SDHAF3: variants seen among roughly 807,000 people sequenced by gnomAD.
The protein encoded by SDHAF3 is succinate dehydrogenase complex assembly factor 3, also known as succinate dehydrogenase assembly factor 3, mitochondrial.
A neutral mutation model predicts 11.5 loss-of-function variants in SDHAF3; 18 were observed. The ratio of observed to expected loss-of-function variants is 1.56; its 90% CI spans 1.08 to 2.32. The LOEUF (loss-of-function observed/expected upper bound fraction) is 2.32. Ranked by LOEUF, SDHAF3 falls within the 30% of genes most tolerant of loss-of-function variation. The pLI, the probability that SDHAF3 is intolerant of heterozygous loss-of-function variation, is 0.00. For missense variants in SDHAF3, 200 were observed against 154.4 expected (o/e 1.30, Z -1.57); for synonymous variants, 72 against 59.3 (o/e 1.21, Z -0.99).
At chr7:97,133,212 T>C (rs1791696386) in intron 1 of SDHAF3, among the ~76,000 whole-genome samples, 1 of 152,172 alleles carries the variant, frequency 6.6e-6, no homozygotes, top group South Asian at 2.1e-4. Context: ...AGAAAAAATT[T>C]GAATATTCAC....
chr7:97,172,042 A>C (rs746001864), intron 1 of SDHAF3, among the ~76,000 whole-genome samples: 6 of 152,076 alleles, frequency 3.9e-5, no homozygotes, highest in Non-Finnish European at 8.8e-5. Context: ...TAGTTACTTA[A>C]ATAATATTTA....
chr7:97,125,520 TTTGTTCATTCC>T (rs1238404358), intron 1 of SDHAF3, among the ~76,000 whole-genome samples: 1 of 152,208 alleles, frequency 6.6e-6, no homozygotes, highest in African/African-American at 2.4e-5. Flanking sequence ...TCTTGGAGTC[TTTGTTCATTCC>T]TTTTCATTCT....
At chr7:97,159,821 A>G (rs1016743195) in intron 1 of SDHAF3, among the ~76,000 whole-genome samples, 1 of 152,118 alleles carries the variant, frequency 6.6e-6, no homozygotes, top group Non-Finnish European at 1.5e-5. Flanking sequence ...TAAGCTTTCC[A>G]TTAGTTTCGG....
chr7:97,165,856 A>G (rs1375145410), intron 1 of SDHAF3, among the ~76,000 whole-genome samples: 1 of 152,194 alleles, frequency 6.6e-6, no homozygotes, highest in African/African-American at 2.4e-5. Flanking sequence ...ATAAATGTGT[A>G]TCAATGCCTG....
At chr7:97,135,684 T>TATATATATATATA (rs1332361102) in intron 1 of SDHAF3, 1 of 43,176 alleles carries the variant, frequency 2.3e-5, no homozygotes, top group African/African-American at 7.7e-5. Flanking sequence ...ATATATATAT[T>TATATATATATATA]TTTTTTTTTT....
chr7:97,134,747 G>T (rs966157918), intron 1 of SDHAF3, among the ~76,000 whole-genome samples: 4 of 152,116 alleles, frequency 2.6e-5, no homozygotes, highest in Non-Finnish European at 4.4e-5. Context: ...TCACCCAGCT[G>T]AGAAGATGTT....
chr7:97,147,937 C>T (rs1297067375), intron 1 of SDHAF3, among the ~76,000 whole-genome samples: 1 of 151,974 alleles, frequency 6.6e-6, no homozygotes, highest in African/African-American at 2.4e-5. Flanking sequence ...TTTTTTGAGA[C>T]AGAGTCTTGC....
In SDHAF3 at chr7:97,152,735, T is replaced by C. The variant is rs1789244347; in HGVS notation, c.175-28277T>C. The stretch of plus-strand genomic sequence containing the variant: ...CGCAATCTCAGGTCACTGCAACCCC[T>C]GCCTCCCAGGTTCAAGCGATCCTTG... On this transcript the variant is annotated intron_variant, in intron 1 of 1. Coordinates refer to ENST00000432641, the MANE Select transcript of SDHAF3 (RefSeq NM_020186.3). Among the ~76,000 whole-genome samples, 4 of 152,288 alleles carry C rather than the reference T, an allele frequency of 2.6e-5. No homozygotes were observed. The South Asian group carries it at 6.2e-4, about 24-fold the overall frequency.
chr7:97,155,120 T>C (rs1035792813), intron 1 of SDHAF3, among the ~76,000 whole-genome samples: 5 of 152,220 alleles, frequency 3.3e-5, no homozygotes, highest in African/African-American at 1.2e-4. Context: ...CACTGTACAT[T>C]TTATAATAAG....
In SDHAF3 at chr7:97,162,609, C is replaced by T. The variant is rs535797002; in HGVS notation, c.175-18403C>T. Among the ~76,000 whole-genome samples, 9 of 152,232 alleles carry T rather than the reference C, an allele frequency of 5.9e-5. No individual in the cohort carries two copies. The East Asian group carries it at 1.2e-3, about 20-fold the overall frequency. ...ATTGTGTCTTTGTTCTCATTGGTTTCGAAGAACATATTTATTTCTGGCTTC... is the reference window on the plus strand; with the variant it reads ...ATTGTGTCTTTGTTCTCATTGGTTTTGAAGAACATATTTATTTCTGGCTTC... On this transcript the variant is annotated intron_variant, in intron 1 of 1. Transcript: ENST00000432641.
At chr7:97,163,286 C>T (rs1048854210) in intron 1 of SDHAF3, among the ~76,000 whole-genome samples, 1 of 151,348 alleles carries the variant, frequency 6.6e-6, no homozygotes, top group Non-Finnish European at 1.5e-5. Context: ...GGATTACAGG[C>T]ACCCGCCACC....
At chr7:97,154,548 G>T (rs2115700646) in intron 1 of SDHAF3, among the ~76,000 whole-genome samples, 1 of 151,888 alleles carries the variant, frequency 6.6e-6, no homozygotes, top group Non-Finnish European at 1.5e-5. Flanking sequence ...TATGTGGTTT[G>T]CAAATATTTT....
chr7:97,132,015 AGATT>A (rs1314472928), intron 1 of SDHAF3, among the ~76,000 whole-genome samples: 2 of 152,186 alleles, frequency 1.3e-5, no homozygotes, highest in Non-Finnish European at 2.9e-5. Flanking sequence ...TTGGATGATA[AGATT>A]GATTGTAATT....
At chr7:97,154,189 G>A (rs974236600) in intron 1 of SDHAF3, among the ~76,000 whole-genome samples, 17 of 151,160 alleles carry the variant, frequency 1.1e-4, no homozygotes, top group Non-Finnish European at 2.9e-5. Context: ...AGATTACAAA[G>A]AACCTTCTTA....
intron 1 of SDHAF3, among the ~76,000 whole-genome samples, chr7:97,177,964 A>AT (rs1187085371): frequency 6.6e-6 from 1 of 151,898 alleles, no homozygotes; most frequent in Non-Finnish European, 1.5e-5. Context: ...ATAATTTTTA[A>AT]TTTTTTTCCT....
At chr7:97,143,440 T>G (rs1789086650) in intron 1 of SDHAF3, among the ~76,000 whole-genome samples, 1 of 152,062 alleles carries the variant, frequency 6.6e-6, no homozygotes, top group Admixed American at 6.5e-5. Context: ...TGTAGTCTTT[T>G]ATCCCTCACA....
intron 1 of SDHAF3, among the ~76,000 whole-genome samples, chr7:97,164,168 TCTC>T: frequency 6.6e-6 from 1 of 150,956 alleles, no homozygotes; most frequent in African/African-American, 2.4e-5. Context: ...ACGGTCTCGA[TCTC>T]CTCTCCCTCC....
At chr7:97,135,662 GTGTGTGTA>G (rs1211072868) in intron 1 of SDHAF3, 1 of 87,808 alleles carries the variant, frequency 1.1e-5, no homozygotes, top group Non-Finnish European at 2.2e-5. Flanking sequence ...GTGTGTGTGT[GTGTGTGTA>G]TATATATATA....
chr7:97,164,871 A>G (rs1191747447), intron 1 of SDHAF3, among the ~76,000 whole-genome samples: 2 of 152,206 alleles, frequency 1.3e-5, no homozygotes, highest in African/African-American at 4.8e-5. Flanking sequence ...ATTATTATAT[A>G]AACAAAATTA....
Sources: gnomAD v4.1 joint callset for allele counts (sites outside exome capture counted in the v4.1 genomes callset) on GRCh38, gnomAD v4.1.1 for gene constraint, MANE v1.5 for transcripts, NCBI Gene and HGNC (gene_info 2026-07-23, HGNC 2026-07-21) for gene names.